The following CDYL variants were observed in gnomAD, a reference collection of about 807,000 sequenced individuals.
The protein encoded by CDYL is chromodomain Y-like protein.
A neutral mutation model predicts 47.3 loss-of-function variants in CDYL; 8 were observed. That is an observed-to-expected ratio of 0.17 (90% CI 0.10 to 0.31). The LOEUF is 0.31. Ranked by LOEUF, CDYL falls within the 10% of genes least tolerant of loss-of-function variation. The pLI is 1.00. For synonymous variants in CDYL, 266 were observed against 265.0 expected, an observed-to-expected ratio of 1.00 and a Z score of -0.04; for missense variants, 471 against 701.4, an observed-to-expected ratio of 0.67 and a Z score of 3.71.
intron 3 of CDYL, among the ~76,000 whole-genome samples, chr6:4,753,132 G>A (rs1301555089): frequency 2.0e-5 from 3 of 152,052 alleles, no homozygotes; most frequent in Non-Finnish European, 2.9e-5. Flanking sequence ...GGCTGGACTC[G>A]AACTCCTGAG....
chr6:4,882,551 T>A (rs954930350), intron 1 of CDYL, among the ~76,000 whole-genome samples: 1 of 152,170 alleles, frequency 6.6e-6, no homozygotes, highest in Admixed American at 6.5e-5. Flanking sequence ...GCAGGCAAAT[T>A]GTTTCATCTG....
intron 2 of CDYL, among the ~76,000 whole-genome samples, chr6:4,928,246 C>T (rs1299001173): frequency 1.3e-5 from 2 of 152,118 alleles, no homozygotes; most frequent in African/African-American, 4.8e-5. Context: ...CATCCCACCA[C>T]ACCTTTTGTG....
chr6:4,720,546 T>G (rs1205160121), intron 2 of CDYL, among the ~76,000 whole-genome samples: 2 of 152,166 alleles, frequency 1.3e-5, no homozygotes, highest in Admixed American at 1.3e-4. Context: ...CCATAGAAAA[T>G]GTAAAGATAC....
intron 1 of CDYL, among the ~76,000 whole-genome samples, chr6:4,873,768 G>C (rs544570033): frequency 1.3e-5 from 2 of 152,272 alleles, no homozygotes; most frequent in Admixed American, 6.5e-5. Context: ...TAGCATTCCT[G>C]TGGTGACATG....
chr6:4,936,270 C>T (rs1043306633), intron 3 of CDYL, among the ~76,000 whole-genome samples: 1 of 152,232 alleles, frequency 6.6e-6, no homozygotes, highest in Non-Finnish European at 1.5e-5. Flanking sequence ...CACACAGCAA[C>T]AGGGATTTCC....
chr6:4,847,140 C>T (rs533213058), intron 1 of CDYL, among the ~76,000 whole-genome samples: 2 of 152,194 alleles, frequency 1.3e-5, no homozygotes, highest in African/African-American at 2.4e-5. Context: ...CTAACTATTG[C>T]GTGCACCAAA....
intron 1 of CDYL, among the ~76,000 whole-genome samples, chr6:4,819,160 C>CTGTGTGTGTGTGTGTGTGTG (rs1242099604): frequency 8.1e-6 from 1 of 124,032 alleles, no homozygotes; most frequent in African/African-American, 4.5e-5. Flanking sequence ...CTCTCTCTCT[C>CTGTGTGTGTGTGTGTGTGTG]TCTGTGTGTG....
At chr6:4,844,294 T>C (rs1276159724) in intron 1 of CDYL, among the ~76,000 whole-genome samples, 1 of 152,170 alleles carries the variant, frequency 6.6e-6, no homozygotes, top group African/African-American at 2.4e-5. Context: ...TAGGTGGCGC[T>C]GTCAAGAGAG....
At chr6:4,884,997 AT>A (rs879404619) in intron 1 of CDYL, among the ~76,000 whole-genome samples, 36 of 150,488 alleles carry the variant, frequency 2.4e-4, no homozygotes, top group East Asian at 1.4e-3. Flanking sequence ...ACTATTTATA[AT>A]TTTTTTTTTC....
intron 1 of CDYL, among the ~76,000 whole-genome samples, chr6:4,875,912 A>G (rs1166611904): frequency 1.3e-5 from 2 of 152,212 alleles, no homozygotes; most frequent in South Asian, 2.1e-4. Context: ...TTATTCAGCA[A>G]GCATTTCATT....
chr6:4,800,780 AAGG>A, intron 1 of CDYL, among the ~76,000 whole-genome samples: 1 of 152,288 alleles, frequency 6.6e-6, no homozygotes, highest in African/African-American at 2.4e-5. Flanking sequence ...AAAAGTTTCT[AAGG>A]AGAAGTCTTT....
chr6:4,833,083 T>G (rs1760195155), intron 1 of CDYL, among the ~76,000 whole-genome samples: 2 of 146,060 alleles, frequency 1.4e-5, no homozygotes, highest in African/African-American at 5.2e-5. Context: ...TCAGTTCTGC[T>G]CTGATTTTAG....
intron 1 of CDYL, among the ~76,000 whole-genome samples, chr6:4,707,685 G>A (rs773554980): frequency 1.1e-4 from 16 of 152,046 alleles, no homozygotes; most frequent in East Asian, 1.9e-4. Context: ...TATCATATGC[G>A]GATAGTACCT....
At chr6:4,706,622 T>C (rs911583196) in intron 1 of CDYL, among the ~76,000 whole-genome samples, 1 of 151,664 alleles carries the variant, frequency 6.6e-6, no homozygotes, top group Non-Finnish European at 1.5e-5. Context: ...CCGTCTCTAC[T>C]AAAAAAAATT....
chr6:4,805,183 C>T (rs1202740197), intron 1 of CDYL, among the ~76,000 whole-genome samples: 1 of 152,194 alleles, frequency 6.6e-6, no homozygotes, highest in Non-Finnish European at 1.5e-5. Flanking sequence ...TTACTCTAAA[C>T]TTAAGAGTAA....
intron 1 of CDYL, among the ~76,000 whole-genome samples, chr6:4,825,171 A>G (rs932137114): frequency 6.6e-6 from 1 of 152,084 alleles, no homozygotes; most frequent in African/African-American, 2.4e-5. Flanking sequence ...GTGCCCCACT[A>G]GCTGTTGGAA....
chr6:4,789,027 G>A (rs1244611365), intron 1 of CDYL, among the ~76,000 whole-genome samples: 3 of 152,066 alleles, frequency 2.0e-5, no homozygotes, highest in Non-Finnish European at 4.4e-5. Context: ...TCTGTCCCGG[G>A]AATAGCCAAG....
chr6:4,836,988 C>G (rs140973303), intron 1 of CDYL, among the ~76,000 whole-genome samples: 1 of 152,220 alleles, frequency 6.6e-6, no homozygotes, highest in Non-Finnish European at 1.5e-5. Context: ...GTGGAAGTCT[C>G]TCTCATGAGA....
At chr6:4,927,535 C>T (rs571574690) in intron 2 of CDYL, among the ~76,000 whole-genome samples, 1 of 151,804 alleles carries the variant, frequency 6.6e-6, no homozygotes, top group East Asian at 1.9e-4. Flanking sequence ...GCTGCCTCAG[C>T]CTCCTGAGTA....
Sources: gnomAD v4.1 joint callset for allele counts (sites outside exome capture counted in the v4.1 genomes callset) on GRCh38, gnomAD v4.1.1 for gene constraint, MANE v1.5 for transcripts, NCBI Gene and HGNC (gene_info 2026-07-23, HGNC 2026-07-21) for gene names.